ATG5: variants seen among roughly 807,000 people sequenced by gnomAD.
ATG5 encodes autophagy related 5.
A neutral mutation model predicts 36.5 loss-of-function variants in ATG5; 14 were observed. The ratio of observed to expected loss-of-function variants is 0.38; its 90% CI spans 0.25 to 0.60. ATG5 has a LOEUF of 0.60. Ranked by LOEUF, ATG5 falls within the 20% of genes least tolerant of loss-of-function variation. The pLI is 0.60. For synonymous variants in ATG5, 95 were observed against 101.5 expected (o/e 0.94, Z 0.38); for missense variants, 195 against 326.7 (o/e 0.60, Z 3.11).
chr6:106,268,102 C>T (rs1779296538), intron 5 of ATG5, among the ~76,000 whole-genome samples: 1 of 152,146 alleles, frequency 6.6e-6, no homozygotes, highest in Non-Finnish European at 1.5e-5. Flanking sequence ...AGGCAACCTA[C>T]AGAATGGGAG....
intron 6 of ATG5, among the ~76,000 whole-genome samples, chr6:106,223,900 C>A (rs928170083): frequency 2.0e-5 from 3 of 152,232 alleles, no homozygotes; most frequent in Non-Finnish European, 4.4e-5. Flanking sequence ...GGGAAGCTGT[C>A]TTATTCCCAA....
intron 6 of ATG5, among the ~76,000 whole-genome samples, chr6:106,234,832 G>C (rs537724604): frequency 1.7e-3 from 258 of 152,236 alleles, no homozygotes; most frequent in African/African-American, 5.8e-3. Flanking sequence ...AGAACTCAAT[G>C]GTGACATGGA....
At chr6:106,231,410 G>A (rs1186902133) in intron 6 of ATG5, among the ~76,000 whole-genome samples, 5 of 152,186 alleles carry the variant, frequency 3.3e-5, no homozygotes, top group Non-Finnish European at 2.9e-5. Context: ...GAAAGAGAAC[G>A]ATTCCCCACA....
At chr6:106,269,828 T>C (rs1486924790) in intron 5 of ATG5, among the ~76,000 whole-genome samples, 3 of 152,230 alleles carry the variant, frequency 2.0e-5, no homozygotes, top group African/African-American at 4.8e-5. Flanking sequence ...GGCTCCAGCC[T>C]TGGCCAGCCC....
intron 2 of ATG5, among the ~76,000 whole-genome samples, chr6:106,311,428 G>T (rs947146018): frequency 6.6e-6 from 1 of 152,206 alleles, no homozygotes; most frequent in South Asian, 2.1e-4. Context: ...AAGACAAATA[G>T]GAGTGAAATG....
chr6:106,294,109 T>C (rs1780436257), intron 3 of ATG5, among the ~76,000 whole-genome samples: 1 of 152,166 alleles, frequency 6.6e-6, no homozygotes, highest in Non-Finnish European at 1.5e-5. Flanking sequence ...GATTTTGTAG[T>C]CTTAGATTCT....
Position 106,210,811 on chromosome 6 carries a change from CAATT to C in ATG5, c.574-8726_574-8723del, listed in dbSNP as rs567693420. ...CATAGATTTTTTTGTGAAGGTTATA[CAATT>C]AATTCATATAAAGTATTTAGAACAA... On this transcript the variant is annotated intron_variant, in intron 6 of 7. Coordinates refer to ENST00000369076, the MANE Select transcript of ATG5 (RefSeq NM_004849.4). 1.7e-3 allele frequency among the ~76,000 whole-genome samples: 265 copies of C among 152,180 alleles called. 2 individuals carry two copies. Among genetic ancestry groups the C allele is most frequent in the African/African-American group, 6.1e-3 (253 of 41,524 alleles).
intron 1 of ATG5, among the ~76,000 whole-genome samples, chr6:106,317,057 A>C (rs1770879099): frequency 6.6e-6 from 1 of 152,174 alleles, no homozygotes; most frequent in South Asian, 2.1e-4. Flanking sequence ...ATAGCACTAG[A>C]TCTGCAAAAC....
chr6:106,292,333 G>A (rs1312486186), intron 4 of ATG5, among the ~76,000 whole-genome samples: 1 of 152,200 alleles, frequency 6.6e-6, no homozygotes, highest in Non-Finnish European at 1.5e-5. Flanking sequence ...TTGTGAATTG[G>A]GGGAGGGGAA....
chr6:106,235,976 G>T (rs1253536619), intron 6 of ATG5, among the ~76,000 whole-genome samples: 4 of 152,144 alleles, frequency 2.6e-5, no homozygotes, highest in Non-Finnish European at 5.9e-5. Context: ...GTCCCTTACT[G>T]GTTGGGTCCA....
chr6:106,270,316 G>C (rs1372716303), intron 5 of ATG5, among the ~76,000 whole-genome samples: 1 of 152,134 alleles, frequency 6.6e-6, no homozygotes, highest in African/African-American at 2.4e-5. Context: ...TGCTCAAGCA[G>C]GTTACAAATT....
At position 106,243,530 on chromosome 6, in the gene ATG5, G is replaced by GGA. The variant is rs761128910; in HGVS notation, c.573+4619_573+4620insTC. Among the ~76,000 whole-genome samples the GGA allele has an allele frequency of 5.6e-3, 741 of 133,340 alleles. 9 individuals are homozygous for GGA. The highest frequency in any genetic ancestry group is 0.016 in the African/African-American group (612 of 37,254). The allele number at this position is 133,340 out of a possible 152,430, so 87.5% of individuals were successfully genotyped here. A position where few individuals can be genotyped will look rare whatever the true frequency, so the allele number is the denominator to read the frequency against. On this transcript the variant is annotated intron_variant, in intron 6 of 7. Transcript: ENST00000369076. The stretch of plus-strand genomic sequence containing the variant: ...GTGACAGAGCAAGACCCTCTCTGGG[G>GGA]AAAAAAAAAAAAAAAATAGGCTGGG...
intron 5 of ATG5, among the ~76,000 whole-genome samples, chr6:106,266,202 G>A (rs545081351): frequency 4.4e-4 from 67 of 152,282 alleles, no homozygotes; most frequent in African/African-American, 1.4e-3. Flanking sequence ...ACCACCATCA[G>A]AGAATATTAT....
At chr6:106,322,950 C>T (rs952738532) in intron 1 of ATG5, among the ~76,000 whole-genome samples, 16 of 151,668 alleles carry the variant, frequency 1.1e-4, no homozygotes, top group African/African-American at 2.4e-4. Flanking sequence ...GACGGGGTCT[C>T]GCTCTGTCGC....
At chr6:106,194,100 T>C (rs1259167119) in intron 7 of ATG5, among the ~76,000 whole-genome samples, 2 of 152,226 alleles carry the variant, frequency 1.3e-5, no homozygotes, top group Admixed American at 6.5e-5. Flanking sequence ...AGCATTATTA[T>C]TGCCCAAATC....
At chr6:106,305,181 T>A (rs1234190713) in intron 3 of ATG5, among the ~76,000 whole-genome samples, 2 of 152,050 alleles carry the variant, frequency 1.3e-5, no homozygotes, top group Non-Finnish European at 2.9e-5. Context: ...GCTAGCCAAG[T>A]AGATGAACAA....
intron 6 of ATG5, among the ~76,000 whole-genome samples, chr6:106,239,474 A>C (rs140928223): frequency 7.7e-4 from 117 of 152,346 alleles, no homozygotes; most frequent in Non-Finnish European, 1.4e-3. Context: ...GGAACTGAAT[A>C]AGTGATTTTA....
chr6:106,277,897 T>G (rs1188647207), intron 5 of ATG5, among the ~76,000 whole-genome samples: 1 of 152,240 alleles, frequency 6.6e-6, no homozygotes, highest in African/African-American at 2.4e-5. Flanking sequence ...TTAGTACTTA[T>G]AATTTAACAC....
At chr6:106,277,679 T>C (rs1330939924) in intron 5 of ATG5, among the ~76,000 whole-genome samples, 1 of 152,208 alleles carries the variant, frequency 6.6e-6, no homozygotes, top group African/African-American at 2.4e-5. Context: ...CTGTGCATGT[T>C]GGCACATGCT....
Sources: allele counts gnomAD v4.1 joint callset (sites outside exome capture counted in the v4.1 genomes callset), GRCh38; gene constraint gnomAD v4.1.1; transcripts MANE v1.5; gene names NCBI Gene and HGNC (gene_info 2026-07-23, HGNC 2026-07-21).